GAB1: variants seen among roughly 807,000 people sequenced by gnomAD.
The protein encoded by GAB1 is GRB2 associated binding protein 1.
GAB1 carries 19 observed loss-of-function variants against 66.5 expected under a neutral mutation model. That is an observed-to-expected ratio of 0.29 (90% CI 0.20 to 0.42). The LOEUF (loss-of-function observed/expected upper bound fraction) is 0.42. Among genes scored for constraint, GAB1 ranks in the 10% least tolerant of loss-of-function variants. The pLI is 1.00. For missense variants in GAB1, 732 were observed against 858.5 expected (o/e 0.85, Z 1.84); for synonymous variants, 294 against 301.4 (o/e 0.98, Z 0.25).
chr4:143,350,409 T>G (rs574252806), intron 1 of GAB1, among the ~76,000 whole-genome samples: 2 of 152,262 alleles, frequency 1.3e-5, no homozygotes, highest in African/African-American at 4.8e-5. Flanking sequence ...CTGGGCGCAG[T>G]GGCTCACCCC....
chr4:143,469,366 G>A lies in GAB1; in HGVS notation c.*177G>A. 1 of 594,874 alleles carries A rather than the reference G, an allele frequency of 1.7e-6. No homozygotes were observed. Among genetic ancestry groups the A allele is most frequent in the Non-Finnish European group, 2.9e-6 (1 of 340,640 alleles). The allele number at this position is 594,874 out of a possible 1,614,324, so 36.8% of individuals were successfully genotyped here. A position where few individuals can be genotyped will look rare whatever the true frequency, so the allele number is the denominator to read the frequency against. ...ACTTAAGTGGTGCTTTGTGGTATCT[G>A]AACAATTCATAACATGTAAATAATG... On this transcript the variant is annotated 3_prime_UTR_variant, in exon 10 of 10. Coordinates refer to ENST00000262994, the MANE Select transcript of GAB1 (RefSeq NM_002039.4).
rs142453148 is a variant in GAB1 at position 143,422,269 on chromosome 4, G to A, written c.367+6498G>A. On this transcript the variant is annotated intron_variant, in intron 2 of 9. Coordinates refer to ENST00000262994, the MANE Select transcript of GAB1 (RefSeq NM_002039.4). ...CCAGATAAATCATTAATCAATAGAA[G>A]CAGAGTAACCCTGACCTGTTTACAT... 6.0e-4 allele frequency among the ~76,000 whole-genome samples: 92 copies of A among 152,168 alleles called. No individual in the cohort carries two copies. The East Asian group carries it at 0.015, about 25-fold the overall frequency.
At chr4:143,412,172 TG>T (rs889955001) in intron 1 of GAB1, among the ~76,000 whole-genome samples, 1 of 152,196 alleles carries the variant, frequency 6.6e-6, no homozygotes, top group African/African-American at 2.4e-5. Context: ...AAGGAATGGA[TG>T]GGGGGGAGCC....
intron 1 of GAB1, among the ~76,000 whole-genome samples, chr4:143,390,623 A>G (rs1731141549): frequency 6.6e-6 from 1 of 152,178 alleles, no homozygotes; most frequent in Non-Finnish European, 1.5e-5. Context: ...AACACCCAGA[A>G]CAGTGCTACA....
intron 1 of GAB1, among the ~76,000 whole-genome samples, chr4:143,357,308 C>G (rs1348381994): frequency 6.6e-6 from 1 of 152,208 alleles, no homozygotes; most frequent in Non-Finnish European, 1.5e-5. Flanking sequence ...GGCCTGACAT[C>G]TGTATCTGTT....
chr4:143,401,453 C>T (rs539362702), intron 1 of GAB1, among the ~76,000 whole-genome samples: 1 of 152,306 alleles, frequency 6.6e-6, no homozygotes, highest in East Asian at 1.9e-4. Flanking sequence ...CCTAACAGAA[C>T]ATTCATTGAG....
At position 143,441,242 on chromosome 4, in the gene GAB1, G is replaced by T. The variant is rs1734213665; in HGVS notation, c.1585+860G>T. Among the ~76,000 whole-genome samples, 3 of 152,166 alleles carry T rather than the reference G, an allele frequency of 2.0e-5. No homozygotes were observed. The South Asian group carries it at 6.2e-4, about 32-fold the overall frequency. On this transcript the variant is annotated intron_variant, in intron 6 of 9. Transcript: ENST00000262994. ...TAAGTTGTTAAAACACAGACAATTT[G>T]ATTTGTTGCACCATGCTGTTAGTGT... is the stretch of plus-strand genomic sequence containing the variant.
Position 143,470,023 on chromosome 4 carries a change from A to T in GAB1, c.*834A>T, listed in dbSNP as rs1021857845. The T allele has an allele frequency of 6.6e-6, 1 of 152,588 alleles. No individual in the cohort carries two copies. Among genetic ancestry groups the T allele is most frequent in the Admixed American group, 6.5e-5 (1 of 15,276 alleles). 9.5% of individuals were successfully genotyped at this position (152,588 alleles called of 1,614,324 possible). On this transcript the variant is annotated 3_prime_UTR_variant, in exon 10 of 10. Transcript: ENST00000262994. ...CCAATCAGGTACGTACCAGGCAGTG[A>T]TGTGCTAATACACTGATCAGGTTTA...
At chr4:143,351,672 T>C (rs754362709) in intron 1 of GAB1, among the ~76,000 whole-genome samples, 7 of 152,142 alleles carry the variant, frequency 4.6e-5, no homozygotes, top group African/African-American at 1.4e-4. Flanking sequence ...TTCCATATCA[T>C]TTAAAGGGAC....
rs1290076787 is a variant in GAB1 at position 143,425,308 on chromosome 4, T to C, written c.368-8183T>C. The stretch of plus-strand genomic sequence containing the variant: ...TCCAGGAATACTGGCCAGAGAGCCA[T>C]GCTGAAGTTTGCTGCTGCCACTGGA... On this transcript the variant is annotated intron_variant, in intron 2 of 9. Coordinates refer to ENST00000262994, the MANE Select transcript of GAB1 (RefSeq NM_002039.4). The C allele has an allele frequency of 9.8e-6, 8 of 815,790 alleles. No homozygotes were observed. In the Admixed American group the frequency reaches 1.4e-4, roughly 14 times the overall value. The allele number at this position is 815,790 out of a possible 1,614,324, so 50.5% of individuals were successfully genotyped here.
In GAB1 at chr4:143,433,831, T is replaced by C. The variant is rs963356006; in HGVS notation, c.593+115T>C. On this transcript the variant is annotated intron_variant, in intron 3 of 9. Transcript: ENST00000262994. ...CGATTTGCAGGCTTGAAAGAGACCA[T>C]CTGTATAGGCATATGTTTCAGGCTT... 11 of 795,592 alleles carry C rather than the reference T, an allele frequency of 1.4e-5. 1 individual carries two copies. The highest frequency in any genetic ancestry group is 2.3e-4 in the Middle Eastern group (1 of 4,332). The allele number at this position is 795,592 out of a possible 1,614,324, so 49.3% of individuals were successfully genotyped here.
Position 143,473,974 on chromosome 4 carries a change from A to T in GAB1, c.*4785A>T, listed in dbSNP as rs1017187154. The T allele has an allele frequency of 3.3e-5, 5 of 152,190 alleles. No homozygotes were observed. The East Asian group carries it at 7.7e-4, about 23-fold the overall frequency. 9.4% of individuals were successfully genotyped at this position (152,190 alleles called of 1,614,324 possible). A position where few individuals can be genotyped will look rare whatever the true frequency, so the allele number is the denominator to read the frequency against. On this transcript the variant is annotated 3_prime_UTR_variant, in exon 10 of 10. Coordinates refer to ENST00000262994, the MANE Select transcript of GAB1 (RefSeq NM_002039.4). ...TGCATGTAACTTCTTTGAGGAAGTT[A>T]CCACCATCTCTGATATAGACACACT...
chr4:143,342,507 A>G (rs960216216), intron 1 of GAB1, among the ~76,000 whole-genome samples: 6 of 148,366 alleles, frequency 4.0e-5, no homozygotes, highest in East Asian at 2.0e-4. Flanking sequence ...GCTATTGACA[A>G]TTTGCAGACT....
intron 7 of GAB1, 49 bp from the exon 8 acceptor site, chr4:143,460,315 A>G (rs1735422813): frequency 6.3e-7 from 1 of 1,577,476 alleles, no homozygotes; most frequent in Non-Finnish European, 8.7e-7. Flanking sequence ...GAATAATTTT[A>G]GATATTTTTG....
intron 1 of GAB1, among the ~76,000 whole-genome samples, chr4:143,368,885 A>G (rs1228263615): frequency 3.9e-5 from 6 of 152,144 alleles, no homozygotes; most frequent in Admixed American, 3.9e-4. Flanking sequence ...CCCAGGTTCA[A>G]GCGATTCTCC....
chr4:143,421,764 C>T (rs1221150662), intron 2 of GAB1, among the ~76,000 whole-genome samples: 15 of 145,720 alleles, frequency 1.0e-4, no homozygotes, highest in African/African-American at 3.1e-4. Flanking sequence ...GAGTCTCCTG[C>T]GGTGGGGCCC....
In GAB1 at chr4:143,438,566, C is replaced by T. The variant is rs992667873; in HGVS notation, c.1161C>T (p.Thr387=). The change falls in exon 4 of 10, where the codon ACC becomes ACT. Residue 387 remains threonine (T), a synonymous_variant. Coordinates refer to ENST00000262994, the MANE Select transcript of GAB1 (RefSeq NM_002039.4). ...TAGMSPSRSN[T]ISTVDLNKLR... ...GGATGTCGCCTTCACGTAGTAATACCATTTCCACTGTGGATTTAAACAAAT... is the reference window on the plus strand; with the variant it reads ...GGATGTCGCCTTCACGTAGTAATACTATTTCCACTGTGGATTTAAACAAAT... The T allele has an allele frequency of 1.9e-6, 3 of 1,613,944 alleles. No individual in the cohort carries two copies. The highest frequency in any genetic ancestry group is 1.3e-5 in the African/African-American group (1 of 75,030).
At chr4:143,402,205 A>C (rs187415233) in intron 1 of GAB1, among the ~76,000 whole-genome samples, 1 of 152,312 alleles carries the variant, frequency 6.6e-6, no homozygotes, top group East Asian at 1.9e-4. Context: ...TTTTGTCTAC[A>C]CTAATAAAAT....
At chr4:143,364,867 A>ATTTTT (rs1729810876) in intron 1 of GAB1, among the ~76,000 whole-genome samples, 1 of 119,510 alleles carries the variant, frequency 8.4e-6, no homozygotes, top group African/African-American at 3.7e-5. Context: ...CCCTGCATCT[A>ATTTTT]CTTTTTTTTT....
Sources: allele counts gnomAD v4.1 joint callset (sites outside exome capture counted in the v4.1 genomes callset), GRCh38; gene constraint gnomAD v4.1.1; transcripts MANE v1.5; gene names NCBI Gene and HGNC (gene_info 2026-07-23, HGNC 2026-07-21).